SHROOM4: variants seen among roughly 807,000 people sequenced by gnomAD.
SHROOM4 encodes the protein shroom family member 4, also known as protein Shroom4.
SHROOM4 carries 17 observed loss-of-function variants against 80.3 expected under a neutral mutation model. The ratio of observed to expected loss-of-function variants is 0.21; its 90% CI spans 0.14 to 0.32. The LOEUF (loss-of-function observed/expected upper bound fraction) is 0.32. SHROOM4 is among the 10% of genes least tolerant of loss of function. The probability of loss-of-function intolerance (pLI) is 1.00; values close to 1 mark genes in which losing one functional copy is unlikely to be tolerated. For synonymous variants in SHROOM4, 400 were observed against 437.5 expected (o/e 0.91, Z 1.07); for missense variants, 993 against 1,140.3 (o/e 0.87, Z 1.86).
rs1557255622 is a variant in SHROOM4 at position 50,635,198 on chromosome X, T to C, written c.875A>G (p.Asn292Ser). 2 of 1,204,067 alleles carry C rather than the reference T, an allele frequency of 1.7e-6. No individual in the cohort carries two copies. Among genetic ancestry groups the C allele is most frequent in the East Asian group, 3.0e-5 (1 of 33,555 alleles). Residue 292 changes from asparagine (N) to serine (S), a missense_variant, in exon 4 of 9, where the codon AAT becomes AGT. Coordinates refer to ENST00000376020, the MANE Select transcript of SHROOM4 (RefSeq NM_020717.5). Reference sequence around the variant, plus strand: ...CTCAGATGCCCTGCGCTGCTCTCCATTGAGGAGTTGGGCTCTGGAGGCCTG... The same window carrying C: ...CTCAGATGCCCTGCGCTGCTCTCCACTGAGGAGTTGGGCTCTGGAGGCCTG... ...SLQASRAQLLNGEQRRASEPV... is the reference protein window; with the variant it reads ...SLQASRAQLLSGEQRRASEPV...
In SHROOM4 at chrX:50,633,354, C is replaced by T. The variant is rs782792512; in HGVS notation, c.2719G>A (p.Glu907Lys). The change falls in exon 4 of 9, where the codon GAA becomes AAA. Residue 907 changes from glutamate (E) to lysine (K), a missense_variant. By Grantham distance (56) the Glu-to-Lys change is moderately conservative. Transcript: ENST00000376020. ...CTCTTTAGCAAGGCAGGGCAGATTT[C>T]CCCAGAACAATAAATGCAAGGATCA... is the stretch of plus-strand genomic sequence containing the variant. ...VHDPCIYCSGEICPALLKRNM... is the reference protein window; with the variant it reads ...VHDPCIYCSGKICPALLKRNM... 8.3e-6 allele frequency: 10 copies of T among 1,209,959 alleles called. No homozygotes were observed. In the African/African-American group the frequency reaches 1.7e-4, roughly 21 times the overall value.
chrX:50,614,819 A>T (rs1331152071), intron 5 of SHROOM4, among the ~76,000 whole-genome samples: 2 of 112,492 alleles, frequency 1.8e-5, no homozygotes, highest in African/African-American at 6.5e-5. Context: ...AAACCATCTA[A>T]ATGTCCTTCA....
At chrX:50,726,263 T>C (rs1274905725) in intron 1 of SHROOM4, among the ~76,000 whole-genome samples, 2 of 111,994 alleles carry the variant, frequency 1.8e-5, no homozygotes, top group East Asian at 5.6e-4. Context: ...TGATTTGAAA[T>C]TGGAACTTAT....
rs781798296 is a variant in SHROOM4, at chrX:50,696,074, G to A, written c.118-137C>T. The A allele has an allele frequency of 2.3e-4, 149 of 654,019 alleles. No homozygotes were observed. In the African/African-American group the frequency reaches 2.8e-3, roughly 12 times the overall value. The allele number at this position is 654,019 out of a possible 1,213,427, so 53.9% of individuals were successfully genotyped here. ...GGCAGCTCCTGGGAGTAGCTCAGGA[G>A]CTGATCACAGGTCATTATTTACTGA... On this transcript the variant is annotated intron_variant, in intron 1 of 8. Transcript: ENST00000376020.
rs782813268 is a variant in SHROOM4, at chrX:50,651,381, G to A, written c.270-13073C>T. Among the ~76,000 whole-genome samples the A allele has an allele frequency of 5.4e-5, 6 of 111,717 alleles. No individual in the cohort carries two copies. In the South Asian group the frequency reaches 1.5e-3, roughly 28 times the overall value. ...AAAAGAAGAAACTCAGGCTTAGGGAGGTGAAATAAATCACATAAGGCTTGA... is the reference window on the plus strand; with the variant it reads ...AAAAGAAGAAACTCAGGCTTAGGGAAGTGAAATAAATCACATAAGGCTTGA... On this transcript the variant is annotated intron_variant, in intron 2 of 8. Transcript: ENST00000376020.
chrX:50,781,756 C>T (rs1935632044), intron 1 of SHROOM4, among the ~76,000 whole-genome samples: 1 of 111,107 alleles, frequency 9.0e-6, no homozygotes, highest in Admixed American at 9.5e-5. Flanking sequence ...AGAAAATACT[C>T]TCTTCCCTCA....
rs1258060533 is a variant in SHROOM4, at chrX:50,634,328, C to T, written c.1745G>A (p.Arg582Gln). The T allele has an allele frequency of 5.0e-6, 6 of 1,211,222 alleles. No individual in the cohort carries two copies. The African/African-American group carries it at 5.2e-5, about 11-fold the overall frequency. ...GGTAGCAAAACGCTCACTCTTCCGCCGGTTTTGGATCGAGCGGCCCCGGGT... is the reference window on the plus strand; with the variant it reads ...GGTAGCAAAACGCTCACTCTTCCGCTGGTTTTGGATCGAGCGGCCCCGGGT... ...GGTRGRSIQNRRKSERFATNL... is the reference protein window; with the variant it reads ...GGTRGRSIQNQRKSERFATNL... The change falls in exon 4 of 9, where the codon CGG becomes CAG. Residue 582 changes from arginine to glutamine, a missense_variant. Arg to Gln is a conservative substitution (Grantham distance 43). Transcript: ENST00000376020.
intron 2 of SHROOM4, among the ~76,000 whole-genome samples, chrX:50,670,313 T>C (rs1557260709): frequency 1.9e-5 from 2 of 105,669 alleles, no homozygotes; most frequent in Non-Finnish European, 1.9e-5. Context: ...CCTGTGTCCA[T>C]GTGTTCTCAT....
At chrX:50,610,352 T>TCTCTCTCTCACACACACA (rs782591424) in intron 5 of SHROOM4, among the ~76,000 whole-genome samples, 77 of 91,708 alleles carry the variant, frequency 8.4e-4, no homozygotes, top group African/African-American at 3.4e-3. Flanking sequence ...TCTCTCTCTC[T>TCTCTCTCTCACACACACA]CACACACACA....
At chrX:50,674,387 G>A (rs1557261106) in intron 2 of SHROOM4, among the ~76,000 whole-genome samples, 1 of 111,463 alleles carries the variant, frequency 9.0e-6, no homozygotes, top group African/African-American at 3.3e-5. Context: ...ATATATCAAT[G>A]GAATCGAATA....
chrX:50,634,237 C>T lies in SHROOM4; in HGVS notation c.1836G>A (p.Gln612=). The T allele has an allele frequency of 8.3e-7, 1 of 1,211,568 alleles. No individual in the cohort carries two copies. Among genetic ancestry groups the T allele is most frequent in the Non-Finnish European group, 1.1e-6 (1 of 895,334 alleles). The part of the protein sequence containing the change: ...QLQKSKGPLS[Q]LCDTKEPVEE... ...CCACTGGCTCCTTAGTGTCACACAG[C>T]TGTGACAAGGGACCCTTGCTTTTCT... The change falls in exon 4 of 9, where the codon CAG becomes CAA. Residue 612 remains glutamine (Q), a synonymous_variant. Coordinates refer to ENST00000376020, the MANE Select transcript of SHROOM4 (RefSeq NM_020717.5).
chrX:50,775,957 T>C (rs1935495369), intron 1 of SHROOM4, among the ~76,000 whole-genome samples: 1 of 112,304 alleles, frequency 8.9e-6, no homozygotes, highest in African/African-American at 3.2e-5. Flanking sequence ...TTAAGTATGA[T>C]TGCCGTTATG....
chrX:50,728,109 C>T (rs1469005157), intron 1 of SHROOM4, among the ~76,000 whole-genome samples: 6 of 111,494 alleles, frequency 5.4e-5, no homozygotes, highest in Non-Finnish European at 9.4e-5. Context: ...GCCCAAATCC[C>T]AGCACTTTGG....
intron 2 of SHROOM4, among the ~76,000 whole-genome samples, chrX:50,694,543 ATTTTTTT>A (rs782530547): frequency 8.0e-5 from 1 of 12,494 alleles, no homozygotes; most frequent in East Asian, 3.9e-3. Flanking sequence ...TTTAAGTTGG[ATTTTTTT>A]TTTTTTTTTT....
chrX:50,754,422 G>A (rs1557268253), intron 1 of SHROOM4, among the ~76,000 whole-genome samples: 1 of 111,736 alleles, frequency 8.9e-6, no homozygotes, highest in African/African-American at 3.3e-5. Context: ...TTTCTTTCTG[G>A]TAAAAATAAG....
chrX:50,800,637 G>T (rs1321852278), intron 1 of SHROOM4, among the ~76,000 whole-genome samples: 6 of 111,299 alleles, frequency 5.4e-5, no homozygotes, highest in African/African-American at 2.0e-4. Flanking sequence ...TGAGAAAATC[G>T]GAGGCCAGAA....
intron 1 of SHROOM4, among the ~76,000 whole-genome samples, chrX:50,749,057 A>C (rs1394816574): frequency 9.0e-6 from 1 of 111,320 alleles, no homozygotes; most frequent in Non-Finnish European, 1.9e-5. Context: ...CAAAAAATCC[A>C]AAAAAATAGC....
At position 50,673,032 on chromosome X, in the gene SHROOM4, C is replaced by T. The variant is rs554627130; in HGVS notation, c.269+22754G>A. Among the ~76,000 whole-genome samples, 137 of 110,648 alleles carry T rather than the reference C, an allele frequency of 1.2e-3. 1 individual carries two copies. Among genetic ancestry groups the T allele is most frequent in the Admixed American group, 2.8e-3 (29 of 10,465 alleles). On this transcript the variant is annotated intron_variant, in intron 2 of 8. Coordinates refer to ENST00000376020, the MANE Select transcript of SHROOM4 (RefSeq NM_020717.5). Reference sequence around the variant, plus strand: ...CACTGGTGGACCTATTTTAAAAGTACGGCTAAAGGAAGTTCTGTAAATGGA... The same window carrying T: ...CACTGGTGGACCTATTTTAAAAGTATGGCTAAAGGAAGTTCTGTAAATGGA...
chrX:50,743,749 C>T (rs1370726071), intron 1 of SHROOM4, among the ~76,000 whole-genome samples: 5 of 111,923 alleles, frequency 4.5e-5, no homozygotes, highest in Non-Finnish European at 9.4e-5. Context: ...GAGTTACTGC[C>T]CCCAGACTGC....
Sources: gnomAD v4.1 joint callset for allele counts (sites outside exome capture counted in the v4.1 genomes callset) on GRCh38, gnomAD v4.1.1 for gene constraint, MANE v1.5 for transcripts, NCBI Gene and HGNC (gene_info 2026-07-23, HGNC 2026-07-21) for gene names.